TG: variants seen among roughly 807,000 people sequenced by gnomAD.
TG encodes the protein thyroglobulin.
TG carries 270 observed loss-of-function variants against 324.7 expected under a neutral mutation model. That is an observed-to-expected ratio of 0.83 (90% CI 0.75 to 0.92). The LOEUF (loss-of-function observed/expected upper bound fraction) is 0.92. TG is among the 40% of genes least tolerant of loss of function. The probability of loss-of-function intolerance (pLI) is 0.00; values close to 1 mark genes in which losing one functional copy is unlikely to be tolerated. For missense variants in TG, 3,591 were observed against 3,456.4 expected (o/e 1.04, Z -0.98); for synonymous variants, 1,401 against 1,327.0 (o/e 1.06, Z -1.21).
chr8:132,995,291 C>A, intron 35 of TG: 1 of 984,242 alleles, frequency 1.0e-6, no homozygotes, highest in South Asian at 4.7e-5. Context: ...TAGCCTACTA[C>A]CCACCACATA....
intron 41 of TG, among the ~76,000 whole-genome samples, chr8:133,088,238 G>A (rs1173821046): frequency 1.3e-5 from 2 of 151,198 alleles, no homozygotes; most frequent in Non-Finnish European, 3.0e-5. Context: ...TGTGATGGAG[G>A]AGCCAGGCTC....
At chr8:133,024,148 C>A (rs1015591281) in intron 40 of TG, among the ~76,000 whole-genome samples, 18 of 152,234 alleles carry the variant, frequency 1.2e-4, no homozygotes, top group Admixed American at 1.2e-3. Context: ...TCGCCACAGT[C>A]ACAAGTGGCA....
chr8:133,029,862 G>C lies in TG; in HGVS notation c.7078G>C (p.Val2360Leu). The C allele has an allele frequency of 6.2e-7, 1 of 1,614,220 alleles. No individual in the cohort carries two copies. The highest frequency in any genetic ancestry group is 8.5e-7 in the Non-Finnish European group (1 of 1,180,004). Residue 2360 changes from valine (V) to leucine (L), a missense_variant, in exon 41 of 48, where the codon GTG becomes CTG. Val to Leu is a conservative substitution (Grantham distance 32, BLOSUM62 1). Transcript: ENST00000220616. ...VSGNWGLLDQ[V>L]AALTWVQTHI... Reference sequence around the variant, plus strand: ...TGGCAACTGGGGGCTGCTGGACCAGGTGGCGGCTCTGACCTGGGTGCAGAC... The same window carrying C: ...TGGCAACTGGGGGCTGCTGGACCAGCTGGCGGCTCTGACCTGGGTGCAGAC...
chr8:133,104,110 C>T (rs908275265), intron 43 of TG, among the ~76,000 whole-genome samples: 1 of 152,020 alleles, frequency 6.6e-6, no homozygotes, highest in Non-Finnish European at 1.5e-5. Flanking sequence ...GTGCAAAGGC[C>T]CTGGGGCAGG....
chr8:132,914,753 T>C (rs1175692738), intron 20 of TG, among the ~76,000 whole-genome samples: 1 of 152,144 alleles, frequency 6.6e-6, no homozygotes, highest in Non-Finnish European at 1.5e-5. Flanking sequence ...TCTTTCTTTC[T>C]ATTCCATCAG....
rs766245204 is a variant in TG, at chr8:132,929,170, C to T, written c.4794C>T (p.Phe1598=). The change falls in exon 23 of 48, where the codon TTC becomes TTT. Residue 1598 remains phenylalanine, a synonymous_variant. Coordinates refer to ENST00000220616, the MANE Select transcript of TG (RefSeq NM_003235.5). ...GATCCAAAGTTCCTGATTCTGAGTT[C>T]CCCGTGATGCAGTGCTTGACAGGTG... ...AVRSKVPDSE[F]PVMQCLTDCT... 1.6e-4 allele frequency: 254 copies of T among 1,613,910 alleles called. 1 individual carries two copies. The highest frequency in any genetic ancestry group is 1.3e-5 in the Non-Finnish European group (15 of 1,179,960).
At chr8:133,009,461 C>T (rs1258537637) in intron 35 of TG, among the ~76,000 whole-genome samples, 2 of 152,028 alleles carry the variant, frequency 1.3e-5, no homozygotes, top group African/African-American at 2.4e-5. Flanking sequence ...TTCCTCTTGC[C>T]GGGCCTGGGT....
chr8:132,961,420 G>T (rs1587588988), intron 28 of TG, among the ~76,000 whole-genome samples: 1 of 152,192 alleles, frequency 6.6e-6, no homozygotes, highest in Non-Finnish European at 1.5e-5. Context: ...TCAGCCCCAT[G>T]TGCCTTTCAC....
At chr8:132,878,632 CAA>C (rs1814204677) in intron 5 of TG, among the ~76,000 whole-genome samples, 2 of 148,092 alleles carry the variant, frequency 1.4e-5, no homozygotes, top group African/African-American at 5.0e-5. Flanking sequence ...AAAAAAAAAA[CAA>C]AAAGTGTCTC....
At chr8:132,921,781 T>C (rs1821144680) in intron 21 of TG, among the ~76,000 whole-genome samples, 1 of 152,234 alleles carries the variant, frequency 6.6e-6, no homozygotes, top group Non-Finnish European at 1.5e-5. Flanking sequence ...TGTTTGTTTA[T>C]TGATGTATTA....
intron 41 of TG, among the ~76,000 whole-genome samples, chr8:133,040,551 A>G (rs1302604654): frequency 6.6e-6 from 1 of 152,142 alleles, no homozygotes; most frequent in Non-Finnish European, 1.5e-5. Context: ...CAATCCATTA[A>G]CCTCACAGGG....
chr8:132,937,368 G>C (rs1823762233), intron 25 of TG, among the ~76,000 whole-genome samples: 1 of 152,200 alleles, frequency 6.6e-6, no homozygotes, highest in Non-Finnish European at 1.5e-5. Flanking sequence ...CCACAGCAGG[G>C]ACAAGTGTTT....
At chr8:132,924,155 G>T (rs1821493263) in intron 22 of TG, among the ~76,000 whole-genome samples, 1 of 151,874 alleles carries the variant, frequency 6.6e-6, no homozygotes, top group Non-Finnish European at 1.5e-5. Context: ...GACAGTGGCA[G>T]ATCATCAGGC....
rs200390776 is a variant in TG, at chr8:132,878,501, A to ATC, written c.639-3360_639-3359dup. Among the ~76,000 whole-genome samples, 1,374 of 151,844 alleles carry ATC rather than the reference A, an allele frequency of 9.0e-3. 39 individuals carry two copies. Among genetic ancestry groups the ATC allele is most frequent in the East Asian group, 0.087 (450 of 5,150 alleles). ...TGTGGTGGTGGGTGCCTGTGGTCCC[A>ATC]TCTACTTAGGAGGCTGAGGCAGGAG... On this transcript the variant is annotated intron_variant, in intron 5 of 47. Transcript: ENST00000220616.
chr8:132,943,182 A>G (rs1426117066), intron 26 of TG, among the ~76,000 whole-genome samples: 1 of 152,066 alleles, frequency 6.6e-6, no homozygotes, highest in Non-Finnish European at 1.5e-5. Flanking sequence ...TGTGATCCCC[A>G]GTGTTGGAGG....
At chr8:133,078,174 C>T (rs1168636897) in intron 41 of TG, among the ~76,000 whole-genome samples, 1 of 152,188 alleles carries the variant, frequency 6.6e-6, no homozygotes, top group African/African-American at 2.4e-5. Flanking sequence ...CCATCATACA[C>T]GTGACCCAAG....
intron 37 of TG, among the ~76,000 whole-genome samples, 163 bp downstream of exon 37, chr8:133,013,927 C>G (rs577399340): frequency 9.2e-5 from 14 of 152,344 alleles, no homozygotes; most frequent in African/African-American, 2.6e-4. Flanking sequence ...GAAAAAATTC[C>G]TACTTCTGTA....
At chr8:133,001,807 T>C in intron 35 of TG, 1 of 985,490 alleles carries the variant, frequency 1.0e-6, no homozygotes, top group Non-Finnish European at 1.2e-6. Flanking sequence ...CTGAAAGACT[T>C]TTCCTGCCTG....
chr8:133,084,010 C>T (rs569130422), intron 41 of TG, among the ~76,000 whole-genome samples: 2 of 152,314 alleles, frequency 1.3e-5, no homozygotes, highest in East Asian at 3.9e-4. Flanking sequence ...ACCTTCTATG[C>T]CATTCCCTCT....
Sources: gnomAD v4.1 joint callset for allele counts (sites outside exome capture counted in the v4.1 genomes callset) on GRCh38, gnomAD v4.1.1 for gene constraint, MANE v1.5 for transcripts, NCBI Gene and HGNC (gene_info 2026-07-23, HGNC 2026-07-21) for gene names.